CSRP2: variants seen among roughly 807,000 people sequenced by gnomAD.
CSRP2 encodes cysteine and glycine rich protein 2.
CSRP2 carries 18 observed loss-of-function variants against 24.6 expected under a neutral mutation model. The observed-to-expected ratio is 0.73, with a 90% confidence interval of 0.51 to 1.09. The LOEUF is 1.09. Among genes scored for constraint, CSRP2 ranks in the 50% least tolerant of loss-of-function variants. The pLI is 0.00. For missense variants in CSRP2, 215 were observed against 239.4 expected (o/e 0.90, Z 0.67); for synonymous variants, 87 against 84.3 (o/e 1.03, Z -0.18).
At chr12:76,866,353 C>A in intron 1 of CSRP2, 92 bp from the exon 2 acceptor site, 1 of 920,104 alleles carries the variant, frequency 1.1e-6, no homozygotes, top group South Asian at 1.6e-5. Context: ...TGCAGATTTT[C>A]GTTTCTTTAT....
Position 76,863,238 on chromosome 12 carries a change from ATAACCG to A in CSRP2, c.213_218del (p.Tyr73_Gly74del). ...TGTTAAGCGTGCCAGCGCCCTGGCCATAACCGTAGCCTTTTGGCCCATACTTCTTTC... is the reference window on the plus strand; with the variant it reads ...TGTTAAGCGTGCCAGCGCCCTGGCCATAGCCTTTTGGCCCATACTTCTTTC... On this transcript the variant is annotated inframe_deletion, in exon 3 of 6. Transcript: ENST00000311083. 1 of 1,614,130 alleles carries A rather than the reference ATAACCG, an allele frequency of 6.2e-7. No homozygotes were observed. Among genetic ancestry groups the A allele is most frequent in the Non-Finnish European group, 8.5e-7 (1 of 1,180,048 alleles).
Position 76,859,640 on chromosome 12 carries a change from G to A in CSRP2, c.412C>T (p.Pro138Ser), listed in dbSNP as rs1344480384. The stretch of plus-strand genomic sequence containing the variant: ...CATCGGAAACAGTTTTTGTGCCAGG[G>A]CTGGAAGAGATGAATGTGTCAGCAT... ...AAEKIIGAGK[P>S]WHKNCFRCAK... The change falls in exon 5 of 6, where the codon CCC becomes TCC. Residue 138 changes from proline (P) to serine (S), a missense_variant and splice_region_variant. By Grantham distance (74) the Pro-to-Ser change is moderately conservative (BLOSUM62 -1). Coordinates refer to ENST00000311083, the MANE Select transcript of CSRP2 (RefSeq NM_001321.3). The A allele has an allele frequency of 1.2e-6, 2 of 1,609,714 alleles. No homozygotes were observed. Among genetic ancestry groups the A allele is most frequent in the Non-Finnish European group, 8.5e-7 (1 of 1,178,518 alleles).
At chr12:76,869,845 G>T (rs555380863) in intron 1 of CSRP2, among the ~76,000 whole-genome samples, 1 of 152,284 alleles carries the variant, frequency 6.6e-6, no homozygotes, top group Admixed American at 6.5e-5. Context: ...AAGCCTGGCG[G>T]TAAAACCTAA....
Position 76,866,169 on chromosome 12 carries a change from T to A in CSRP2, c.92A>T (p.His31Leu). 1 of 1,613,872 alleles carries A rather than the reference T, an allele frequency of 6.2e-7. No individual in the cohort carries two copies. The highest frequency in any genetic ancestry group is 8.5e-7 in the Non-Finnish European group (1 of 1,179,782). Residue 31 changes from histidine (H) to leucine (L), a missense_variant, in exon 2 of 6, where the codon CAC (histidine) becomes CTC (leucine). His to Leu is a moderately conservative substitution (Grantham distance 99). Transcript: ENST00000311083. ...EEVQCDGRSF[H>L]RCCFLCMVCR... ...CTTACTGCAGAGAAAGCAGCAGCGGTGGAAGCTCCTGCCATCACACTGCAC... is the reference window on the plus strand; with the variant it reads ...CTTACTGCAGAGAAAGCAGCAGCGGAGGAAGCTCCTGCCATCACACTGCAC...
rs980611244 is a variant in CSRP2 at position 76,859,011 on chromosome 12, A to G, written c.523T>C (p.Phe175Leu). The G allele has an allele frequency of 2.5e-6, 4 of 1,614,116 alleles. No homozygotes were observed. The African/African-American group carries it at 4.0e-5, about 16-fold the overall frequency. Residue 175 changes from phenylalanine (F) to leucine (L), a missense_variant, in exon 6 of 6, where the codon TTT (phenylalanine) becomes CTT (leucine). Coordinates refer to ENST00000311083, the MANE Select transcript of CSRP2 (RefSeq NM_001321.3). ...IYCKGCYAKN[F>L]GPKGFGYGQG... ...CCATAGCCAAATCCCTTGGGCCCAAAGTTCTTTGCATAGCATCCTACAAAG... is the reference window on the plus strand; with the variant it reads ...CCATAGCCAAATCCCTTGGGCCCAAGGTTCTTTGCATAGCATCCTACAAAG...
intron 2 of CSRP2, chr12:76,865,586 T>C (rs1037334930): frequency 1.3e-5 from 2 of 152,262 alleles, no homozygotes; most frequent in Non-Finnish European, 2.9e-5. Flanking sequence ...GAATTTTCCC[T>C]GTACAATACT....
chr12:76,873,210 C>T (rs1294472844), intron 1 of CSRP2, among the ~76,000 whole-genome samples: 1 of 152,168 alleles, frequency 6.6e-6, no homozygotes, highest in Non-Finnish European at 1.5e-5. Context: ...AATCCAATTT[C>T]CCCTAAAGGA....
At chr12:76,859,214 G>T (rs1032652076) in intron 5 of CSRP2, among the ~76,000 whole-genome samples, 186 bp from the exon 6 acceptor site, 1 of 152,200 alleles carries the variant, frequency 6.6e-6, no homozygotes, top group Non-Finnish European at 1.5e-5. Flanking sequence ...ACACATTCTG[G>T]CCCTATAGTG....
chr12:76,872,620 C>A (rs769819437), intron 1 of CSRP2, among the ~76,000 whole-genome samples: 24 of 152,212 alleles, frequency 1.6e-4, no homozygotes, highest in Non-Finnish European at 3.4e-4. Flanking sequence ...TGAGGGCCAG[C>A]TTTTTCTTGG....
chr12:76,874,905 C>T (rs896469333), intron 1 of CSRP2, among the ~76,000 whole-genome samples: 1 of 152,126 alleles, frequency 6.6e-6, no homozygotes, highest in Non-Finnish European at 1.5e-5. Context: ...ATCCACCCAC[C>T]ATCCATGAAA....
intron 3 of CSRP2, chr12:76,862,695 AAT>A (rs1436080159): frequency 2.4e-5 from 29 of 1,209,146 alleles, no homozygotes; most frequent in African/African-American, 4.6e-5. Flanking sequence ...AAGAATCAAA[AAT>A]AAGAAGTAAT....
chr12:76,865,230 A>G (rs946237953), intron 2 of CSRP2, among the ~76,000 whole-genome samples: 2 of 152,230 alleles, frequency 1.3e-5, no homozygotes, highest in Non-Finnish European at 2.9e-5. Flanking sequence ...AGCAATTTCT[A>G]AAGTATTTGC....
intron 1 of CSRP2, among the ~76,000 whole-genome samples, chr12:76,871,956 C>T (rs1953804884): frequency 6.6e-6 from 1 of 151,856 alleles, no homozygotes; most frequent in South Asian, 2.1e-4. Flanking sequence ...CGTACTACTC[C>T]ACTACAGCTG....
At chr12:76,867,162 C>T (rs886636317) in intron 1 of CSRP2, among the ~76,000 whole-genome samples, 4 of 152,068 alleles carry the variant, frequency 2.6e-5, no homozygotes, top group Non-Finnish European at 5.9e-5. Flanking sequence ...CGTCTCCCTT[C>T]TCAACAAATT....
intron 1 of CSRP2, among the ~76,000 whole-genome samples, chr12:76,868,928 G>A (rs1412164277): frequency 3.7e-5 from 5 of 134,206 alleles, no homozygotes; most frequent in African/African-American, 8.7e-5. Context: ...GCGAGACTCC[G>A]CCTCAAAAGA....
intron 3 of CSRP2, chr12:76,861,368 T>TATATA (rs1565820554): frequency 1.9e-3 from 116 of 60,880 alleles, no homozygotes; most frequent in Middle Eastern, 8.6e-3. Flanking sequence ...ATATATATAT[T>TATATA]TTTTTTTTTT....
chr12:76,865,442 T>G (rs868432621), intron 2 of CSRP2, among the ~76,000 whole-genome samples: 1 of 152,220 alleles, frequency 6.6e-6, no homozygotes, highest in Admixed American at 6.5e-5. Context: ...AGTTTAGTTA[T>G]GCTATTAAAG....
rs200052332 is a variant in CSRP2 at position 76,859,065 on chromosome 12, T to A, written c.506-37A>T. On this transcript the variant is annotated intron_variant, in intron 5 of 5. Coordinates refer to ENST00000311083, the MANE Select transcript of CSRP2 (RefSeq NM_001321.3). ...AGGGAGGAAGGATAGTTAGTGCAAGTCCATTAAGCTTTGCTAGCACTGCTT... is the reference window on the plus strand; with the variant it reads ...AGGGAGGAAGGATAGTTAGTGCAAGACCATTAAGCTTTGCTAGCACTGCTT... 6.3e-6 allele frequency: 10 copies of A among 1,583,032 alleles called. No individual in the cohort carries two copies. The East Asian group carries it at 2.2e-4, about 35-fold the overall frequency.
At chr12:76,866,730 G>GT (rs1953739645) in intron 1 of CSRP2, among the ~76,000 whole-genome samples, 1 of 152,148 alleles carries the variant, frequency 6.6e-6, no homozygotes, top group South Asian at 2.1e-4. Context: ...AATTCTTAAC[G>GT]TTTAACATAT....
Sources: gnomAD v4.1 joint callset for allele counts (sites outside exome capture counted in the v4.1 genomes callset) on GRCh38, gnomAD v4.1.1 for gene constraint, MANE v1.5 for transcripts, NCBI Gene and HGNC (gene_info 2026-07-23, HGNC 2026-07-21) for gene names.